The following POR variants were observed in gnomAD, a reference collection of about 807,000 sequenced individuals.
The protein encoded by POR is cytochrome p450 oxidoreductase, also known as NADPH--cytochrome P450 reductase.
In POR, 56 loss-of-function variants were observed where a neutral mutation model predicts 84.0. That is an observed-to-expected ratio of 0.67 (90% CI 0.54 to 0.83). The LOEUF is 0.83. Among genes scored for constraint, POR ranks in the 40% least tolerant of loss-of-function variants. The pLI is 0.00. For missense variants in POR, 938 were observed against 944.3 expected, an observed-to-expected ratio of 0.99 and a Z score of 0.09; for synonymous variants, 414 against 400.5, an observed-to-expected ratio of 1.03 and a Z score of -0.40.
At chr7:75,940,308 A>G (rs1807913437) in intron 1 of POR, among the ~76,000 whole-genome samples, 1 of 150,410 alleles carries the variant, frequency 6.6e-6, no homozygotes, top group African/African-American at 2.4e-5. Flanking sequence ...GCTGGTCTCA[A>G]ACTCCTGACC....
chr7:75,963,113 T>TA (rs1554554742), intron 2 of POR, among the ~76,000 whole-genome samples: 1 of 152,208 alleles, frequency 6.6e-6, no homozygotes, highest in Non-Finnish European at 1.5e-5. Context: ...GTCTGTTTTT[T>TA]ATCTCCTGAG....
chr7:75,983,559 C>T lies in POR; in HGVS notation c.870C>T (p.Thr290=), dbSNP rs782249427. The T allele has an allele frequency of 5.6e-5, 91 of 1,613,024 alleles. 1 individual carries two copies. The Admixed American group carries it at 1.5e-3, about 26-fold the overall frequency. Residue 290 remains threonine, a synonymous_variant, in exon 9 of 16, where the codon ACC becomes ACT. Coordinates refer to ENST00000461988, the MANE Select transcript of POR (RefSeq NM_000941.3). Reference sequence around the variant, plus strand: ...AGAATCCGTTCCTGGCTGCAGTCACCACCAACCGGAAGCTGAACCAGGGAA... The same window carrying T: ...AGAATCCGTTCCTGGCTGCAGTCACTACCAACCGGAAGCTGAACCAGGGAA...
At chr7:75,920,907 T>C (rs543714684) in intron 1 of POR, among the ~76,000 whole-genome samples, 1 of 152,246 alleles carries the variant, frequency 6.6e-6, no homozygotes, top group African/African-American at 2.4e-5. Flanking sequence ...AGAGTGCAGT[T>C]TGGCATCAGG....
At chr7:75,952,891 A>G (rs1406299557) in intron 1 of POR, among the ~76,000 whole-genome samples, 2 of 151,882 alleles carry the variant, frequency 1.3e-5, no homozygotes, top group Non-Finnish European at 2.9e-5. Context: ...GCAGCCAGGC[A>G]GAGACGCTCC....
At chr7:75,969,508 G>A (rs1461457043) in intron 2 of POR, among the ~76,000 whole-genome samples, 2 of 152,170 alleles carry the variant, frequency 1.3e-5, no homozygotes, top group African/African-American at 4.8e-5. Context: ...AGTGCCTCCC[G>A]TGCCCCCACC....
intron 2 of POR, among the ~76,000 whole-genome samples, chr7:75,960,804 C>A (rs1787902890): frequency 6.6e-6 from 1 of 152,172 alleles, no homozygotes; most frequent in South Asian, 2.1e-4. Context: ...GGAAGCTTCT[C>A]AGAGAATGGC....
At chr7:75,918,505 C>T (rs957610116) in intron 1 of POR, 2 of 152,184 alleles carry the variant, frequency 1.3e-5, no homozygotes, top group East Asian at 1.9e-4. Context: ...ACTCCACCTG[C>T]CTCTGGGACA....
intron 2 of POR, among the ~76,000 whole-genome samples, chr7:75,965,730 G>T (rs535402789): frequency 6.6e-6 from 1 of 152,194 alleles, no homozygotes; most frequent in Non-Finnish European, 1.5e-5. Context: ...GCTTTTGCGT[G>T]TGTGGAACAG....
intron 1 of POR, among the ~76,000 whole-genome samples, chr7:75,919,427 G>A (rs1206921365): frequency 1.3e-5 from 2 of 149,410 alleles, no homozygotes; most frequent in African/African-American, 2.6e-5. Flanking sequence ...AAGAGGGAGA[G>A]AAGATGGAGG....
intron 1 of POR, chr7:75,923,476 A>G (rs1312028962): frequency 5.8e-6 from 3 of 517,312 alleles, no homozygotes; most frequent in Non-Finnish European, 1.0e-5. Flanking sequence ...GTAAATTTTT[A>G]TCAATGAACT....
chr7:75,919,382 C>CATGTGTGT (rs1554548526), intron 1 of POR, among the ~76,000 whole-genome samples: 57 of 146,528 alleles, frequency 3.9e-4, no homozygotes, highest in African/African-American at 1.3e-3. Flanking sequence ...TCTGTGCGTG[C>CATGTGTGT]GTGTGTGTGT....
intron 1 of POR, among the ~76,000 whole-genome samples, chr7:75,932,802 G>A (rs1337108042): frequency 1.3e-5 from 2 of 151,916 alleles, no homozygotes; most frequent in African/African-American, 4.8e-5. Context: ...GGTGGATCAC[G>A]AGGTCAGGAG....
chr7:75,986,227 C>CGAA lies in POR; in HGVS notation c.1884_1885insGAA (p.His628_Ile629insGlu). On this transcript the variant is annotated inframe_insertion, in exon 15 of 16. Coordinates refer to ENST00000461988, the MANE Select transcript of POR (RefSeq NM_000941.3). ...GGAAGTTGATCGAAGGCGGTGCCCA[C>CGAA]ATCTACGTCTGTGGGTGAGTGAGTG... The CGAA allele has an allele frequency of 6.2e-7, 1 of 1,612,642 alleles. No individual in the cohort carries two copies. The highest frequency in any genetic ancestry group is 8.5e-7 in the Non-Finnish European group (1 of 1,179,798).
chr7:75,985,567 C>G lies in POR; in HGVS notation c.1399-12C>G, dbSNP rs1554559042. The G allele has an allele frequency of 2.0e-6, 3 of 1,522,198 alleles. No individual in the cohort carries two copies. The Admixed American group carries it at 5.9e-5, about 30-fold the overall frequency. 94.3% of individuals were successfully genotyped at this position (1,522,198 alleles called of 1,614,324 possible). On this transcript the variant is annotated splice_polypyrimidine_tract_variant and intron_variant, in intron 12 of 15. Transcript: ENST00000461988. Reference sequence around the variant, plus strand: ...CGGTGTGGCGGTGGAGCTCACACGGCCCTCCCCACAGGTCCACCCCAACTC... The same window carrying G: ...CGGTGTGGCGGTGGAGCTCACACGGGCCTCCCCACAGGTCCACCCCAACTC...
At chr7:75,919,124 G>A (rs1179691277) in intron 1 of POR, among the ~76,000 whole-genome samples, 1 of 151,620 alleles carries the variant, frequency 6.6e-6, no homozygotes, top group Non-Finnish European at 1.5e-5. Flanking sequence ...TCAGCCTCCC[G>A]AGTAGCTAGG....
chr7:75,941,649 T>C (rs239958), intron 1 of POR, among the ~76,000 whole-genome samples: 63,580 of 151,948 alleles, frequency 0.42, 17,031 homozygotes, highest in African/African-American at 0.76. Context: ...TTATATATAA[T>C]GAGAGGCAAC....
intron 1 of POR, among the ~76,000 whole-genome samples, chr7:75,953,561 C>G (rs906132506): frequency 3.9e-5 from 6 of 152,052 alleles, no homozygotes; most frequent in Admixed American, 1.3e-4. Context: ...TAGGGCAACC[C>G]CCGCCAGCCA....
At chr7:75,938,909 C>G (rs1453264320) in intron 1 of POR, among the ~76,000 whole-genome samples, 3 of 152,228 alleles carry the variant, frequency 2.0e-5, no homozygotes, top group African/African-American at 7.2e-5. Flanking sequence ...GCTCATCCCC[C>G]TAATCTGACT....
chr7:75,939,312 G>T (rs1554551217), intron 1 of POR, among the ~76,000 whole-genome samples: 2 of 152,226 alleles, frequency 1.3e-5, no homozygotes, highest in East Asian at 3.9e-4. Flanking sequence ...GCACTCCCTG[G>T]CATCCTTAGT....
Sources: gnomAD v4.1 joint callset for allele counts (sites outside exome capture counted in the v4.1 genomes callset) on GRCh38, gnomAD v4.1.1 for gene constraint, MANE v1.5 for transcripts, NCBI Gene and HGNC (gene_info 2026-07-23, HGNC 2026-07-21) for gene names.